The following TMEM242 variants were observed in gnomAD, a reference collection of about 807,000 sequenced individuals.
TMEM242 encodes UPF0463 transmembrane protein C6orf35.
TMEM242 carries 10 observed loss-of-function variants against 18.2 expected under a neutral mutation model. The ratio of observed to expected loss-of-function variants is 0.55; its 90% CI spans 0.34 to 0.93. The LOEUF (loss-of-function observed/expected upper bound fraction) is 0.93. Among genes scored for constraint, TMEM242 ranks in the 40% least tolerant of loss-of-function variants. TMEM242 has a pLI of 0.02. For synonymous variants in TMEM242, 57 were observed against 69.9 expected, an observed-to-expected ratio of 0.81 and a Z score of 0.92; for missense variants, 186 against 175.5, an observed-to-expected ratio of 1.06 and a Z score of -0.34.
chr6:157,289,136 T>C lies in TMEM242; in HGVS notation c.*3765A>G, dbSNP rs782549218. Among the ~76,000 whole-genome samples the C allele has an allele frequency of 6.6e-6, 1 of 151,294 alleles. No homozygotes were observed. On this transcript the variant is annotated 3_prime_UTR_variant, in exon 4 of 4. Transcript: ENST00000400788. ...CTCGAGCCAGCTTCTCTAAGAAATA[T>C]AAATCAAGGTCCTAAATCACTTCAC... is the stretch of plus-strand genomic sequence containing the variant.
chr6:157,311,459 C>A (rs797031839), intron 3 of TMEM242, among the ~76,000 whole-genome samples: 1 of 22,260 alleles, frequency 4.5e-5, no homozygotes, highest in African/African-American at 1.9e-4. Context: ...TGTGCAATCA[C>A]CTGGCCTCAT....
At chr6:157,315,820 G>T (rs1394844598) in intron 3 of TMEM242, among the ~76,000 whole-genome samples, 1 of 152,156 alleles carries the variant, frequency 6.6e-6, no homozygotes, top group Non-Finnish European at 1.5e-5. Context: ...TAACAAGATA[G>T]CTCCCAATAC....
chr6:157,296,104 G>A (rs377336200), intron 3 of TMEM242, among the ~76,000 whole-genome samples: 2 of 152,138 alleles, frequency 1.3e-5, no homozygotes, highest in African/African-American at 4.8e-5. Flanking sequence ...TTTAGGGGTT[G>A]AGTGCATTTA....
chr6:157,318,666 C>A, intron 3 of TMEM242, 116 bp downstream of exon 3: 3 of 1,173,862 alleles, frequency 2.6e-6, no homozygotes, highest in East Asian at 2.5e-5. Flanking sequence ...ACTCTGTCAT[C>A]ATCTCCCTAG....
At chr6:157,293,512 T>C (rs1270685256) in intron 3 of TMEM242, among the ~76,000 whole-genome samples, 1 of 152,214 alleles carries the variant, frequency 6.6e-6, no homozygotes, top group Non-Finnish European at 1.5e-5. Context: ...ATGGGATTTC[T>C]TTCTGAATAA....
intron 3 of TMEM242, among the ~76,000 whole-genome samples, chr6:157,311,422 G>GGCCTCAT (rs1778087892): frequency 3.9e-3 from 46 of 11,688 alleles, no homozygotes; most frequent in South Asian, 0.017. Context: ...CAGTGTGCAC[G>GGCCTCAT]CATACGGCCT....
intron 3 of TMEM242, among the ~76,000 whole-genome samples, chr6:157,303,766 G>A (rs1448371435): frequency 7.3e-6 from 1 of 136,492 alleles, no homozygotes; most frequent in Non-Finnish European, 1.5e-5. Context: ...ATCATAGAAT[G>A]CAAATTGTAG....
At chr6:157,320,804 A>G (rs1778483321) in intron 2 of TMEM242, among the ~76,000 whole-genome samples, 1 of 152,194 alleles carries the variant, frequency 6.6e-6, no homozygotes, top group Non-Finnish European at 1.5e-5. Flanking sequence ...GGCAATAAAT[A>G]CTGACAATTG....
intron 3 of TMEM242, among the ~76,000 whole-genome samples, chr6:157,297,707 AGGACTGGCCT>A (rs1220937764): frequency 6.6e-6 from 1 of 152,348 alleles, no homozygotes; most frequent in Non-Finnish European, 1.5e-5. Context: ...TCAACTAAGC[AGGACTGGCCT>A]GGTTTAGAGG....
chr6:157,313,386 G>A (rs367717204), intron 3 of TMEM242, among the ~76,000 whole-genome samples: 26 of 3,282 alleles, frequency 7.9e-3, no homozygotes, highest in Non-Finnish European at 7.8e-3. Flanking sequence ...CTCAGTGTAC[G>A]CTCACCGGGC....
rs782246581 is a variant in TMEM242, at chr6:157,319,321, A to G, written c.190-402T>C. 2.0e-5 allele frequency among the ~76,000 whole-genome samples: 3 copies of G among 152,218 alleles called. No individual in the cohort carries two copies. The East Asian group carries it at 5.8e-4, about 29-fold the overall frequency. On this transcript the variant is annotated intron_variant, in intron 2 of 3. Transcript: ENST00000400788. ...TAAACTTTGCATGTGTGTAAACATT[A>G]TGTACTTTCTTCAGTTATTTTAACC... is the stretch of plus-strand genomic sequence containing the variant.
intron 3 of TMEM242, among the ~76,000 whole-genome samples, chr6:157,302,976 C>T (rs4709200): frequency 0.62 from 94,284 of 152,054 alleles, 30,092 homozygotes; most frequent in East Asian, 0.96. Flanking sequence ...TTTTCCTCTC[C>T]GGGAGTCCAG....
At chr6:157,298,124 T>C (rs1428355773) in intron 3 of TMEM242, among the ~76,000 whole-genome samples, 1 of 152,174 alleles carries the variant, frequency 6.6e-6, no homozygotes. Context: ...AAACATGAAA[T>C]AAACTGAAGA....
At chr6:157,321,466 TCA>T (rs1337453509) in intron 2 of TMEM242, among the ~76,000 whole-genome samples, 4 of 152,244 alleles carry the variant, frequency 2.6e-5, no homozygotes, top group Non-Finnish European at 4.4e-5. Flanking sequence ...ACAAGGACTT[TCA>T]CAGTTTGGTG....
At position 157,312,455 on chromosome 6, in the gene TMEM242, T is replaced by C. The variant is rs1202508928; in HGVS notation, c.327+6327A>G. ...AGTGTGCACTCACCGAGCCTCATAG[T>C]GCCCCAGCGTGCACTCACCTAGCCT... On this transcript the variant is annotated intron_variant, in intron 3 of 3. Coordinates refer to ENST00000400788, the MANE Select transcript of TMEM242 (RefSeq NM_018452.6). Among the ~76,000 whole-genome samples, 23 of 148,920 alleles carry C rather than the reference T, an allele frequency of 1.5e-4. 1 individual carries two copies. In the East Asian group the frequency reaches 3.7e-3, roughly 24 times the overall value.
intron 3 of TMEM242, among the ~76,000 whole-genome samples, chr6:157,298,125 A>C (rs879986097): frequency 3.3e-5 from 5 of 152,258 alleles, no homozygotes; most frequent in Admixed American, 1.3e-4. Flanking sequence ...AACATGAAAT[A>C]AACTGAAGAG....
chr6:157,310,983 TATGCGCTAACCTAGCCTCCC>T (rs1778034153), intron 3 of TMEM242, among the ~76,000 whole-genome samples: 45 of 6,398 alleles, frequency 7.0e-3, no homozygotes, highest in Non-Finnish European at 0.013. Flanking sequence ...AGTGTCCCAG[TATGCGCTAACCTAGCCTCCC>T]CAGTGTGCAG....
chr6:157,300,055 C>T, intron 3 of TMEM242: 1 of 805,032 alleles, frequency 1.2e-6, no homozygotes, highest in Admixed American at 1.9e-5. Context: ...GACTGGGACA[C>T]AGGGACAGGA....
rs1166673113 is a variant in TMEM242, at chr6:157,298,866, A to G, written c.328-5867T>C. On this transcript the variant is annotated intron_variant, in intron 3 of 3. Transcript: ENST00000400788. ...ACACTTTCTTTAGGAATTGTAAATA[A>G]GTATCACCCAGCACCTGGATGCTAA... Among the ~76,000 whole-genome samples, 5 of 152,384 alleles carry G rather than the reference A, an allele frequency of 3.3e-5. No individual in the cohort carries two copies. In the East Asian group the frequency reaches 9.6e-4, roughly 29 times the overall value.
Sources: gnomAD v4.1 joint callset for allele counts (sites outside exome capture counted in the v4.1 genomes callset) on GRCh38, gnomAD v4.1.1 for gene constraint, MANE v1.5 for transcripts, NCBI Gene and HGNC (gene_info 2026-07-23, HGNC 2026-07-21) for gene names.